FILIP1L: variants seen among roughly 807,000 people sequenced by gnomAD.
FILIP1L encodes the protein filamin A-interacting protein 1-like.
FILIP1L carries 55 observed loss-of-function variants against 96.6 expected under a neutral mutation model. That is an observed-to-expected ratio of 0.57 (90% confidence interval 0.46 to 0.71). FILIP1L has a LOEUF of 0.71. FILIP1L is among the 30% of genes least tolerant of loss of function. FILIP1L has a pLI of 0.00. For synonymous variants in FILIP1L, 467 were observed against 473.9 expected (o/e 0.99, Z 0.19); for missense variants, 1,304 against 1,321.2 (o/e 0.99, Z 0.20).
chr3:99,920,737 G>A (rs549778722), intron 4 of FILIP1L, among the ~76,000 whole-genome samples: 2 of 152,270 alleles, frequency 1.3e-5, no homozygotes, highest in Admixed American at 1.3e-4. Context: ...ATTTTGGCCT[G>A]AGCTCAATGT....
chr3:99,905,263 C>T (rs1706576882), intron 4 of FILIP1L, among the ~76,000 whole-genome samples: 3 of 152,166 alleles, frequency 2.0e-5, no homozygotes, highest in Admixed American at 1.3e-4. Context: ...CTGAAACTCC[C>T]AAATTTTTAC....
intron 1 of FILIP1L, among the ~76,000 whole-genome samples, chr3:100,072,118 G>A (rs1276313114): frequency 4.6e-5 from 7 of 152,108 alleles, no homozygotes; most frequent in Non-Finnish European, 5.9e-5. Flanking sequence ...CCACTTGAGC[G>A]TTACATGGAC....
At chr3:100,042,321 A>G (rs993722093) in intron 1 of FILIP1L, among the ~76,000 whole-genome samples, 1 of 152,178 alleles carries the variant, frequency 6.6e-6, no homozygotes, top group Non-Finnish European at 1.5e-5. Flanking sequence ...TATTCTAATA[A>G]GAAGACCAGC....
At chr3:99,847,815 T>G in intron 5 of FILIP1L, 2 of 337,934 alleles carry the variant, frequency 5.9e-6, no homozygotes, top group Non-Finnish European at 8.4e-6. Context: ...GGGACATAGG[T>G]CCTGTTTGTT....
chr3:100,042,300 AT>A (rs971083526), intron 1 of FILIP1L, among the ~76,000 whole-genome samples: 11 of 151,660 alleles, frequency 7.3e-5, no homozygotes, highest in East Asian at 1.9e-4. Flanking sequence ...TATAAACTTG[AT>A]TTTTTTTTGT....
intron 4 of FILIP1L, among the ~76,000 whole-genome samples, chr3:99,873,615 T>A (rs1331604284): frequency 1.3e-5 from 2 of 152,166 alleles, no homozygotes; most frequent in Non-Finnish European, 2.9e-5. Context: ...CCTCCTACAT[T>A]TTCAGTTTTT....
chr3:100,092,274 G>A (rs2066123749), intron 1 of FILIP1L, among the ~76,000 whole-genome samples: 1 of 152,100 alleles, frequency 6.6e-6, no homozygotes, highest in African/African-American at 2.4e-5. Context: ...TGACATGCTG[G>A]CTAAAGATGT....
chr3:99,928,943 A>G (rs1213610421), intron 3 of FILIP1L, among the ~76,000 whole-genome samples: 1 of 152,214 alleles, frequency 6.6e-6, no homozygotes, highest in African/African-American at 2.4e-5. Flanking sequence ...ACTATTTGGC[A>G]AGACAGTAGT....
At chr3:100,095,937 A>G (rs1396103461) in intron 1 of FILIP1L, among the ~76,000 whole-genome samples, 1 of 152,168 alleles carries the variant, frequency 6.6e-6, no homozygotes, top group African/African-American at 2.4e-5. Context: ...AAAAATGAAT[A>G]ATCCAATTTA....
Position 99,848,309 on chromosome 3 carries a change from G to A in FILIP1L, c.3367C>T (p.Gln1123Ter). Residue 1123 changes from glutamine to a stop codon, truncating the protein, a stop_gained, in exon 5 of 6, where the codon CAA (glutamine) becomes TAA (stop). Transcript: ENST00000477258. LOFTEE classifies it high-confidence loss of function. ...ATATTACTTACTGTAATTTGTGATTGTCGAGGAAGAGGTGTGGCTGTTGGT... is the reference window on the plus strand; with the variant it reads ...ATATTACTTACTGTAATTTGTGATTATCGAGGAAGAGGTGTGGCTGTTGGT... ...ITPTATPLPR[Q>*]SQITIKEVCK... 1 of 1,614,084 alleles carries A rather than the reference G, an allele frequency of 6.2e-7. No individual in the cohort carries two copies. Among genetic ancestry groups the A allele is most frequent in the Non-Finnish European group, 8.5e-7 (1 of 1,179,978 alleles).
At chr3:100,067,564 G>A (rs1024845271) in intron 1 of FILIP1L, among the ~76,000 whole-genome samples, 12 of 152,176 alleles carry the variant, frequency 7.9e-5, no homozygotes, top group African/African-American at 2.2e-4. Context: ...TTGCAGATTT[G>A]ATTCAGATAC....
chr3:100,040,598 C>G (rs570356223), intron 1 of FILIP1L: 7 of 152,194 alleles, frequency 4.6e-5, no homozygotes, highest in Admixed American at 2.0e-4. Context: ...CTGAACAGGC[C>G]CTTATATATG....
intron 1 of FILIP1L, among the ~76,000 whole-genome samples, chr3:100,079,301 A>G (rs1173161765): frequency 6.6e-6 from 1 of 152,218 alleles, no homozygotes; most frequent in East Asian, 1.9e-4. Context: ...GCCAGCCTAG[A>G]TTCAAGGTAG....
intron 1 of FILIP1L, among the ~76,000 whole-genome samples, chr3:100,089,601 G>A (rs4928153): frequency 0.56 from 85,328 of 151,938 alleles, 24,381 homozygotes; most frequent in East Asian, 0.72. Flanking sequence ...CTAGAACTAA[G>A]CATTTCCCAT....
intron 1 of FILIP1L, among the ~76,000 whole-genome samples, chr3:100,082,140 C>T (rs972602001): frequency 6.6e-6 from 1 of 152,140 alleles, no homozygotes; most frequent in Admixed American, 6.5e-5. Flanking sequence ...TTGCAAAATA[C>T]AAACAACTCT....
At chr3:99,909,477 T>G (rs1453943571) in intron 4 of FILIP1L, among the ~76,000 whole-genome samples, 1 of 152,148 alleles carries the variant, frequency 6.6e-6, no homozygotes, top group Non-Finnish European at 1.5e-5. Context: ...AATAGTTACT[T>G]GTTAACAAAT....
At chr3:99,939,966 A>G (rs1049821139) in intron 1 of FILIP1L, among the ~76,000 whole-genome samples, 6 of 152,210 alleles carry the variant, frequency 3.9e-5, no homozygotes, top group Non-Finnish European at 8.8e-5. Flanking sequence ...CTTGTTTTCT[A>G]CGTGCTGCAG....
At chr3:99,892,419 A>G (rs1002582623) in intron 4 of FILIP1L, among the ~76,000 whole-genome samples, 8 of 152,178 alleles carry the variant, frequency 5.3e-5, no homozygotes, top group Non-Finnish European at 1.0e-4. Flanking sequence ...TCCAGCTGTA[A>G]TCATCCAAAA....
Position 99,850,114 on chromosome 3 carries a change from G to A in FILIP1L, c.1562C>T (p.Ala521Val). ...TTGCTCCACTTGAAGCTGAGAAGAAGCAGCTTGTAATTTATCTTCAGTTTT... is the reference window on the plus strand; with the variant it reads ...TTGCTCCACTTGAAGCTGAGAAGAAACAGCTTGTAATTTATCTTCAGTTTT... ...LKKTEDKLQA[A>V]SSQLQVEQNK... The change falls in exon 5 of 6, where the codon GCT (alanine) becomes GTT (valine). Residue 521 changes from alanine (A) to valine (V), a missense_variant. Transcript: ENST00000477258. The A allele has an allele frequency of 6.2e-7, 1 of 1,612,866 alleles. No individual in the cohort carries two copies. The highest frequency in any genetic ancestry group is 8.5e-7 in the Non-Finnish European group (1 of 1,179,780).
Sources: gnomAD v4.1 joint callset for allele counts (sites outside exome capture counted in the v4.1 genomes callset) on GRCh38, gnomAD v4.1.1 for gene constraint, MANE v1.5 for transcripts, NCBI Gene and HGNC (gene_info 2026-07-23, HGNC 2026-07-21) for gene names.